The following SLC9A9 variants were observed in gnomAD, a reference collection of about 807,000 sequenced individuals.
SLC9A9 encodes sodium/hydrogen exchanger 9.
In SLC9A9, 62 loss-of-function variants were observed where a neutral mutation model predicts 77.8. The ratio of observed to expected loss-of-function variants is 0.80; its 90% confidence interval spans 0.65 to 0.98. The LOEUF (loss-of-function observed/expected upper bound fraction) is 0.98. Among genes scored for constraint, SLC9A9 ranks in the 50% least tolerant of loss-of-function variants. The pLI is 0.00. For missense variants in SLC9A9, 775 were observed against 774.9 expected, an observed-to-expected ratio of 1.00 and a Z score of 0.00; for synonymous variants, 320 against 283.5, an observed-to-expected ratio of 1.13 and a Z score of -1.29.
At chr3:143,295,708 T>C (rs1048238717) in intron 14 of SLC9A9, among the ~76,000 whole-genome samples, 5 of 152,322 alleles carry the variant, frequency 3.3e-5, no homozygotes, top group African/African-American at 1.2e-4. Context: ...CTACACCCTC[T>C]TGTAGGTCAT....
intron 6 of SLC9A9, among the ~76,000 whole-genome samples, chr3:143,585,812 T>A (rs1029666381): frequency 6.6e-6 from 1 of 152,140 alleles, no homozygotes; most frequent in Non-Finnish European, 1.5e-5. Context: ...CTTTCAGAAA[T>A]CTTTAGGCCA....
chr3:143,280,541 CA>C (rs1938184698), intron 14 of SLC9A9, among the ~76,000 whole-genome samples: 1 of 142,018 alleles, frequency 7.0e-6, no homozygotes, highest in Admixed American at 6.9e-5. Context: ...CCTAGAACTA[CA>C]TTTTTTTTTT....
At chr3:143,450,777 C>T (rs1025858665) in intron 12 of SLC9A9, among the ~76,000 whole-genome samples, 1 of 152,166 alleles carries the variant, frequency 6.6e-6, no homozygotes, top group African/African-American at 2.4e-5. Context: ...CTGCAGCCCA[C>T]ATGGACACAG....
intron 9 of SLC9A9, among the ~76,000 whole-genome samples, chr3:143,536,279 T>C (rs2036587413): frequency 6.6e-6 from 1 of 152,118 alleles, no homozygotes; most frequent in African/African-American, 2.4e-5. Flanking sequence ...CAGTCCCATT[T>C]TCCCACCCAT....
At chr3:143,601,416 T>A (rs1000166723) in intron 6 of SLC9A9, among the ~76,000 whole-genome samples, 4 of 152,226 alleles carry the variant, frequency 2.6e-5, no homozygotes, top group Admixed American at 6.5e-5. Context: ...GAAATAAATT[T>A]TGTGGTAAGC....
intron 13 of SLC9A9, among the ~76,000 whole-genome samples, chr3:143,376,922 C>G (rs990693176): frequency 6.6e-6 from 1 of 152,142 alleles, no homozygotes; most frequent in Non-Finnish European, 1.5e-5. Context: ...CTGAAATATT[C>G]GTAGAAGTGT....
chr3:143,795,112 CA>C (rs769597963), intron 3 of SLC9A9, 35 bp from the exon 4 acceptor site: 1 of 1,573,222 alleles, frequency 6.4e-7, no homozygotes, highest in Admixed American at 1.7e-5. Flanking sequence ...TAGAGTACAT[CA>C]GAATTTTTTC....
intron 11 of SLC9A9, among the ~76,000 whole-genome samples, chr3:143,480,780 G>A (rs550025093): frequency 1.3e-5 from 2 of 152,334 alleles, no homozygotes; most frequent in South Asian, 2.1e-4. Context: ...ACACAAATAT[G>A]CCTAGGGTAG....
chr3:143,288,300 T>C (rs1938437910), intron 14 of SLC9A9, among the ~76,000 whole-genome samples: 1 of 152,092 alleles, frequency 6.6e-6, no homozygotes, highest in African/African-American at 2.4e-5. Flanking sequence ...CATATCACAT[T>C]ATAAAATCCA....
chr3:143,514,102 T>G (rs993495506), intron 9 of SLC9A9, among the ~76,000 whole-genome samples: 2 of 152,174 alleles, frequency 1.3e-5, no homozygotes, highest in African/African-American at 4.8e-5. Context: ...GGCGTTTGGT[T>G]TTTTGTCCTT....
At position 143,808,665 on chromosome 3, in the gene SLC9A9, G is replaced by A. The variant is rs201039226; in HGVS notation, c.379-11762C>T. On this transcript the variant is annotated intron_variant, in intron 2 of 15. Transcript: ENST00000316549. Reference sequence around the variant, plus strand: ...AAACTATTTGGAGTAGTGTTTAAGGGCATGGACACTCAGAGCCAAATTTCC... The same window carrying A: ...AAACTATTTGGAGTAGTGTTTAAGGACATGGACACTCAGAGCCAAATTTCC... 2.0e-4 allele frequency among the ~76,000 whole-genome samples: 30 copies of A among 152,210 alleles called. No individual in the cohort carries two copies. The East Asian group carries it at 5.4e-3, about 27-fold the overall frequency.
chr3:143,495,858 A>C (rs2035826478), intron 9 of SLC9A9, among the ~76,000 whole-genome samples: 2 of 152,180 alleles, frequency 1.3e-5, no homozygotes, highest in South Asian at 4.1e-4. Flanking sequence ...TTGACTTCCC[A>C]GGTACTGAAC....
chr3:143,509,961 C>T (rs913715703), intron 9 of SLC9A9, among the ~76,000 whole-genome samples: 14 of 152,176 alleles, frequency 9.2e-5, no homozygotes, highest in Non-Finnish European at 1.6e-4. Context: ...GTAACTTCTG[C>T]TTCCACCACA....
intron 5 of SLC9A9, chr3:143,655,386 G>A: frequency 2.4e-6 from 2 of 825,160 alleles, no homozygotes; most frequent in Non-Finnish European, 1.5e-6. Flanking sequence ...GGGACCACAA[G>A]AGGAAAACAC....
intron 6 of SLC9A9, among the ~76,000 whole-genome samples, chr3:143,636,367 C>T (rs749352956): frequency 3.3e-5 from 5 of 152,238 alleles, no homozygotes; most frequent in Non-Finnish European, 5.9e-5. Flanking sequence ...GCCAGATTTC[C>T]GATTTCTCTA....
At chr3:143,523,909 G>T (rs2036360434) in intron 9 of SLC9A9, among the ~76,000 whole-genome samples, 1 of 152,128 alleles carries the variant, frequency 6.6e-6, no homozygotes, top group Admixed American at 6.5e-5. Flanking sequence ...AACGAAGAAA[G>T]ATTTGAATAT....
chr3:143,767,409 T>TGTGC (rs2007360781), intron 4 of SLC9A9, among the ~76,000 whole-genome samples: 1 of 151,784 alleles, frequency 6.6e-6, no homozygotes, highest in Non-Finnish European at 1.5e-5. Context: ...TGTGTGTGTG[T>TGTGC]GTGTTTACAG....
intron 5 of SLC9A9, among the ~76,000 whole-genome samples, chr3:143,660,779 A>T (rs1006020673): frequency 6.6e-6 from 1 of 152,186 alleles, no homozygotes; most frequent in Non-Finnish European, 1.5e-5. Context: ...CCTCTTAGCT[A>T]TAGCACAGCT....
At chr3:143,535,979 G>A (rs953720928) in intron 9 of SLC9A9, among the ~76,000 whole-genome samples, 1 of 152,156 alleles carries the variant, frequency 6.6e-6, no homozygotes, top group African/African-American at 2.4e-5. Flanking sequence ...TTGACACTGA[G>A]AAGATACTAC....
Sources: allele counts gnomAD v4.1 joint callset (sites outside exome capture counted in the v4.1 genomes callset), GRCh38; gene constraint gnomAD v4.1.1; transcripts MANE v1.5; gene names NCBI Gene and HGNC (gene_info 2026-07-23, HGNC 2026-07-21).